The following DOCK4 variants were observed in gnomAD, a reference collection of about 807,000 sequenced individuals.
DOCK4 encodes the protein dedicator of cytokinesis protein 4.
Under a neutral mutation model 268.1 loss-of-function variants are expected in DOCK4, and 97 were observed. The observed-to-expected ratio is 0.36, with a 90% CI of 0.31 to 0.43. DOCK4 has a LOEUF of 0.43. DOCK4 is among the 20% of genes least tolerant of loss of function. The pLI, the probability that DOCK4 is intolerant of heterozygous loss-of-function variation, is 1.00. For synonymous variants in DOCK4, 954 were observed against 887.2 expected (o/e 1.08, Z -1.34); for missense variants, 2,145 against 2,455.7 (o/e 0.87, Z 2.67).
chr7:111,998,602 T>C (rs1167895563), intron 3 of DOCK4, 99 bp from the exon 4 acceptor site: 3 of 789,064 alleles, frequency 3.8e-6, no homozygotes, highest in Non-Finnish European at 5.7e-6. Context: ...CATGACAACA[T>C]CAGGAATAGG....
At chr7:112,122,113 T>C (rs142870231) in intron 1 of DOCK4, among the ~76,000 whole-genome samples, 2,133 of 152,302 alleles carry the variant, frequency 0.014, 28 homozygotes, top group Non-Finnish European at 0.02. Flanking sequence ...TGCTAATAGA[T>C]CTTACCCTGT....
chr7:112,172,161 C>T (rs1041822179), intron 1 of DOCK4, among the ~76,000 whole-genome samples: 5 of 152,096 alleles, frequency 3.3e-5, no homozygotes, highest in Non-Finnish European at 5.9e-5. Context: ...AACAATGCCC[C>T]GATGAAATTT....
intron 1 of DOCK4, among the ~76,000 whole-genome samples, chr7:112,120,704 AC>A (rs1563104399): frequency 1.3e-5 from 2 of 152,212 alleles, no homozygotes; most frequent in African/African-American, 2.4e-5. Flanking sequence ...AAGAGCAAAT[AC>A]TATATTATAC....
chr7:111,844,873 C>A lies in DOCK4; in HGVS notation c.2626G>T (p.Asp876Tyr). 1 of 1,612,778 alleles carries A rather than the reference C, an allele frequency of 6.2e-7. No individual in the cohort carries two copies. Among genetic ancestry groups the A allele is most frequent in the Non-Finnish European group, 8.5e-7 (1 of 1,179,320 alleles). Reference sequence around the variant, plus strand: ...TCCAGCAAGCTGGCCACTATCACATCTATTTCCTCCAGCACAGATTTTTCC... The same window carrying A: ...TCCAGCAAGCTGGCCACTATCACATATATTTCCTCCAGCACAGATTTTTCC... ...SSEKSVLEEI[D>Y]VIVASLLDIL... The change falls in exon 25 of 53, where the codon GAT becomes TAT. Residue 876 changes from aspartate (D) to tyrosine (Y), a missense_variant. By Grantham distance (160) the Asp-to-Tyr change is radical. Coordinates refer to ENST00000428084, the MANE Select transcript of DOCK4 (RefSeq NM_001363540.2).
chr7:112,011,684 T>G (rs535367026), intron 1 of DOCK4, among the ~76,000 whole-genome samples: 25 of 150,170 alleles, frequency 1.7e-4, no homozygotes, highest in African/African-American at 6.2e-4. Flanking sequence ...GCTCTTCACC[T>G]TGGATTTCAT....
intron 8 of DOCK4, among the ~76,000 whole-genome samples, chr7:111,950,765 G>A (rs187210064): frequency 1.4e-4 from 21 of 152,186 alleles, no homozygotes; most frequent in African/African-American, 3.1e-4. Context: ...TATTAACTTC[G>A]TGGCACCCCA....
chr7:112,122,790 T>C (rs1323908677), intron 1 of DOCK4, among the ~76,000 whole-genome samples: 1 of 152,246 alleles, frequency 6.6e-6, no homozygotes, highest in African/African-American at 2.4e-5. Flanking sequence ...AATTTTAGTA[T>C]TTTGAAAGTT....
intron 13 of DOCK4, among the ~76,000 whole-genome samples, chr7:111,908,807 T>G (rs1278422603): frequency 6.6e-6 from 1 of 152,078 alleles, no homozygotes; most frequent in Non-Finnish European, 1.5e-5. Context: ...CTGTGTTAGT[T>G]TGTTGGGAAT....
At chr7:112,172,676 T>C (rs1178743183) in intron 1 of DOCK4, among the ~76,000 whole-genome samples, 1 of 152,216 alleles carries the variant, frequency 6.6e-6, no homozygotes, top group Admixed American at 6.5e-5. Context: ...AGTATGTCAT[T>C]ATATGGAAAA....
At chr7:111,745,601 G>A (rs10271656) in intron 44 of DOCK4, among the ~76,000 whole-genome samples, 1,695 of 145,590 alleles carry the variant, frequency 0.012, 33 homozygotes, top group African/African-American at 0.041. Flanking sequence ...GGAGAATGGC[G>A]TGAACCCAGG....
intron 1 of DOCK4, among the ~76,000 whole-genome samples, chr7:112,097,621 T>C (rs1810275257): frequency 1.3e-5 from 2 of 152,166 alleles, no homozygotes; most frequent in South Asian, 4.1e-4. Flanking sequence ...TAAACATATG[T>C]TTGACTAATA....
chr7:111,969,267 G>T (rs1481354456), intron 8 of DOCK4, among the ~76,000 whole-genome samples: 1 of 135,188 alleles, frequency 7.4e-6, no homozygotes, highest in African/African-American at 2.8e-5. Context: ...AAAAAAAAAA[G>T]AATGTTTTCT....
chr7:112,024,298 G>A (rs1207346313), intron 1 of DOCK4, among the ~76,000 whole-genome samples: 1 of 152,126 alleles, frequency 6.6e-6, no homozygotes, highest in African/African-American at 2.4e-5. Context: ...TTTCTAGTTG[G>A]AGCTTTTCCC....
intron 49 of DOCK4, among the ~76,000 whole-genome samples, chr7:111,737,461 AGT>A (rs748396244): frequency 1.3e-5 from 2 of 152,186 alleles, no homozygotes; most frequent in Non-Finnish European, 2.9e-5. Context: ...CAAATGCTAC[AGT>A]GGTGATATAA....
chr7:111,817,050 CAT>C (rs1225600391), intron 27 of DOCK4, among the ~76,000 whole-genome samples: 1 of 152,200 alleles, frequency 6.6e-6, no homozygotes, highest in African/African-American at 2.4e-5. Context: ...GAAAATCACT[CAT>C]ATGGCAATAG....
At chr7:111,953,971 T>A (rs1796256713) in intron 8 of DOCK4, among the ~76,000 whole-genome samples, 1 of 152,228 alleles carries the variant, frequency 6.6e-6, no homozygotes, top group Non-Finnish European at 1.5e-5. Context: ...AATGTACTGT[T>A]CTTTCTTGAA....
intron 1 of DOCK4, among the ~76,000 whole-genome samples, chr7:112,008,527 G>C (rs2135344293): frequency 6.6e-6 from 1 of 152,286 alleles, no homozygotes; most frequent in African/African-American, 2.4e-5. Context: ...TTTCTATGAG[G>C]AAGATAAAAA....
At chr7:111,765,885 G>C (rs551677225) in intron 38 of DOCK4, among the ~76,000 whole-genome samples, 11 of 152,290 alleles carry the variant, frequency 7.2e-5, no homozygotes, top group Admixed American at 5.2e-4. Context: ...AGGGTTTCCA[G>C]AGAAAGACTA....
chr7:112,038,599 T>A (rs1804061605), intron 1 of DOCK4, among the ~76,000 whole-genome samples: 1 of 152,154 alleles, frequency 6.6e-6, no homozygotes, highest in Admixed American at 6.5e-5. Context: ...CTGTGGAGCT[T>A]CAACTGCACC....
Sources: gnomAD v4.1 joint callset for allele counts (sites outside exome capture counted in the v4.1 genomes callset) on GRCh38, gnomAD v4.1.1 for gene constraint, MANE v1.5 for transcripts, NCBI Gene and HGNC (gene_info 2026-07-23, HGNC 2026-07-21) for gene names.